SPHKAP: variants seen among roughly 807,000 people sequenced by gnomAD.
The protein encoded by SPHKAP is A-kinase anchor protein SPHKAP.
Under a neutral mutation model 137.5 loss-of-function variants are expected in SPHKAP, and 67 were observed. The ratio of observed to expected loss-of-function variants is 0.49; its 90% confidence interval spans 0.40 to 0.60. The LOEUF is 0.60. SPHKAP is among the 20% of genes least tolerant of loss of function. The pLI, the probability that SPHKAP is intolerant of heterozygous loss-of-function variation, is 0.00. For synonymous variants in SPHKAP, 813 were observed against 785.3 expected (o/e 1.04, Z -0.59); for missense variants, 2,097 against 2,069.3 (o/e 1.01, Z -0.26).
rs751608569 is a variant in SPHKAP, at chr2:228,021,837, G to A, written c.571C>T (p.His191Tyr). The change falls in exon 6 of 12, where the codon CAC (histidine) becomes TAC (tyrosine). Residue 191 changes from histidine to tyrosine, a missense_variant. Physicochemically the swap from His to Tyr is moderately conservative, Grantham distance 83. Coordinates refer to ENST00000392056, the MANE Select transcript of SPHKAP (RefSeq NM_001142644.2). ...GLELVQERQLHLETNILKLED... is the reference protein window; with the variant it reads ...GLELVQERQLYLETNILKLED... ...AGTTTCAAGATGTTTGTTTCCAGGT[G>A]GAGCTGTCGCTCCTGCACCAGTTCC... is the stretch of plus-strand genomic sequence containing the variant. 5.6e-6 allele frequency: 9 copies of A among 1,614,134 alleles called. No individual in the cohort carries two copies. In the South Asian group the frequency reaches 7.7e-5, roughly 14 times the overall value.
rs147982825 is a variant in SPHKAP, at chr2:228,147,616, G to A, written c.33-15531C>T. Among the ~76,000 whole-genome samples the A allele has an allele frequency of 9.7e-3, 1,476 of 152,236 alleles. 16 individuals carry two copies. The highest frequency in any genetic ancestry group is 0.034 in the African/African-American group (1,406 of 41,522). On this transcript the variant is annotated intron_variant, in intron 1 of 11. Coordinates refer to ENST00000392056, the MANE Select transcript of SPHKAP (RefSeq NM_001142644.2). Reference sequence around the variant, plus strand: ...CTGTCACTTTTACGAGTTCGACCTTGGGAAAATTCCCTAATCTCCCTGAGC... The same window carrying A: ...CTGTCACTTTTACGAGTTCGACCTTAGGAAAATTCCCTAATCTCCCTGAGC...
chr2:228,120,624 C>G (rs931731126), intron 2 of SPHKAP, among the ~76,000 whole-genome samples: 9 of 152,138 alleles, frequency 5.9e-5, no homozygotes, highest in African/African-American at 2.2e-4. Context: ...GGAAGCTACA[C>G]TGTATCTTAA....
Position 228,032,069 on chromosome 2 carries a change from C to T in SPHKAP, c.247-4526G>A, listed in dbSNP as rs139818272. 6.1e-3 allele frequency among the ~76,000 whole-genome samples: 928 copies of T among 152,094 alleles called. 8 individuals carry two copies. The highest frequency in any genetic ancestry group is 0.021 in the African/African-American group (880 of 41,490). On this transcript the variant is annotated intron_variant, in intron 3 of 11. Coordinates refer to ENST00000392056, the MANE Select transcript of SPHKAP (RefSeq NM_001142644.2). ...TGAGCTGAGAGAAGAAGTCTTCAGA[C>T]GATCAAACTACTCCGAACTACAGGA...
chr2:228,057,971 G>A (rs1188572333), intron 3 of SPHKAP, among the ~76,000 whole-genome samples: 6 of 152,118 alleles, frequency 3.9e-5, no homozygotes, highest in Admixed American at 3.9e-4. Context: ...ATAATTGTGA[G>A]GGCAGTTTCT....
chr2:228,084,294 C>A (rs1028278546), intron 3 of SPHKAP, among the ~76,000 whole-genome samples: 16 of 151,908 alleles, frequency 1.1e-4, no homozygotes, highest in Admixed American at 7.9e-4. Flanking sequence ...AAGTTATATT[C>A]CAAATATTAC....
intron 7 of SPHKAP, among the ~76,000 whole-genome samples, chr2:228,006,931 A>T (rs575810697): frequency 2.0e-5 from 3 of 152,250 alleles, no homozygotes; most frequent in African/African-American, 7.2e-5. Context: ...CAGCCGTGTG[A>T]GGTGTCAGTC....
At chr2:228,155,157 A>G (rs1700071469) in intron 1 of SPHKAP, among the ~76,000 whole-genome samples, 1 of 152,084 alleles carries the variant, frequency 6.6e-6, no homozygotes, top group South Asian at 2.1e-4. Flanking sequence ...CTGAGATGGG[A>G]CCAGTACATC....
At chr2:228,050,379 C>T (rs1382506811) in intron 3 of SPHKAP, among the ~76,000 whole-genome samples, 2 of 152,180 alleles carry the variant, frequency 1.3e-5, no homozygotes, top group Non-Finnish European at 2.9e-5. Flanking sequence ...GACACATGCA[C>T]TTGAATGTTC....
intron 7 of SPHKAP, among the ~76,000 whole-genome samples, chr2:228,004,207 G>C (rs1232793144): frequency 1.3e-5 from 2 of 152,040 alleles, no homozygotes; most frequent in Non-Finnish European, 2.9e-5. Flanking sequence ...TTTTTTGGTT[G>C]GTAGGCTATT....
intron 2 of SPHKAP, 195 bp downstream of exon 2, chr2:228,131,785 A>G (rs967253872): frequency 3.0e-6 from 3 of 984,586 alleles, no homozygotes; most frequent in African/African-American, 3.5e-5. Flanking sequence ...ATGATTTTCT[A>G]TGCCTGAATT....
chr2:228,098,238 T>G (rs1040723748), intron 3 of SPHKAP, among the ~76,000 whole-genome samples: 1 of 152,342 alleles, frequency 6.6e-6, no homozygotes, highest in South Asian at 2.1e-4. Flanking sequence ...TAATTACTGA[T>G]GTTGAGCATT....
intron 3 of SPHKAP, among the ~76,000 whole-genome samples, chr2:228,047,476 A>AC (rs1392407950): frequency 6.6e-6 from 1 of 152,002 alleles, no homozygotes; most frequent in African/African-American, 2.4e-5. Flanking sequence ...CAAAAAAAAA[A>AC]AAAAAACAAA....
At chr2:228,007,550 G>A (rs899066880) in intron 7 of SPHKAP, among the ~76,000 whole-genome samples, 99 of 151,736 alleles carry the variant, frequency 6.5e-4, no homozygotes, top group Admixed American at 5.9e-4. Context: ...GATTCCATAC[G>A]TGAGATCAGA....
rs77110616 is a variant in SPHKAP at position 228,126,160 on chromosome 2, G to C, written c.138+5820C>G. Among the ~76,000 whole-genome samples, 35 of 152,172 alleles carry C rather than the reference G, an allele frequency of 2.3e-4. No individual in the cohort carries two copies. The East Asian group carries it at 3.1e-3, about 13-fold the overall frequency. Reference sequence around the variant, plus strand: ...ATAAATATAATTCAAGGGATTCTAGGGGGAGAACTTTAGGGCTCCCTACCC... The same window carrying C: ...ATAAATATAATTCAAGGGATTCTAGCGGGAGAACTTTAGGGCTCCCTACCC... On this transcript the variant is annotated intron_variant, in intron 2 of 11. Coordinates refer to ENST00000392056, the MANE Select transcript of SPHKAP (RefSeq NM_001142644.2).
At chr2:228,036,050 A>G (rs1446040613) in intron 3 of SPHKAP, among the ~76,000 whole-genome samples, 1 of 150,874 alleles carries the variant, frequency 6.6e-6, no homozygotes, top group Non-Finnish European at 1.5e-5. Flanking sequence ...ATTAAACTAA[A>G]GAGCTTCTGC....
At chr2:228,091,376 C>G (rs1341681304) in intron 3 of SPHKAP, among the ~76,000 whole-genome samples, 1 of 152,116 alleles carries the variant, frequency 6.6e-6, no homozygotes, top group African/African-American at 2.4e-5. Flanking sequence ...TCATGACCAA[C>G]AACCCAAAAG....
chr2:228,119,471 ACTCT>A (rs58155215), intron 2 of SPHKAP, among the ~76,000 whole-genome samples: 44 of 148,434 alleles, frequency 3.0e-4, no homozygotes, highest in Middle Eastern at 3.5e-3. Flanking sequence ...ACACACACAC[ACTCT>A]CTCTCTCTCT....
At chr2:228,106,817 CAG>C (rs1698357389) in intron 3 of SPHKAP, among the ~76,000 whole-genome samples, 1 of 152,084 alleles carries the variant, frequency 6.6e-6, no homozygotes, top group African/African-American at 2.4e-5. Flanking sequence ...GCCAGAAAGA[CAG>C]GGGATTTGGA....
At chr2:228,158,933 G>A (rs1355327706) in intron 1 of SPHKAP, among the ~76,000 whole-genome samples, 3 of 152,224 alleles carry the variant, frequency 2.0e-5, no homozygotes, top group Non-Finnish European at 4.4e-5. Flanking sequence ...TTTGCTCTCC[G>A]AATATGTCTT....
Sources: gnomAD v4.1 joint callset for allele counts (sites outside exome capture counted in the v4.1 genomes callset) on GRCh38, gnomAD v4.1.1 for gene constraint, MANE v1.5 for transcripts, NCBI Gene and HGNC (gene_info 2026-07-23, HGNC 2026-07-21) for gene names.